The following PPP4R3B variants were observed in gnomAD, a reference collection of about 807,000 sequenced individuals.
The protein encoded by PPP4R3B is serine/threonine-protein phosphatase 4 regulatory subunit 3B.
Under a neutral mutation model 95.4 loss-of-function variants are expected in PPP4R3B, and 52 were observed. That is an observed-to-expected ratio of 0.54 (90% CI 0.44 to 0.69). The LOEUF (loss-of-function observed/expected upper bound fraction) is 0.69, where lower values mean the gene tolerates loss of function less well. PPP4R3B is among the 30% of genes least tolerant of loss of function. PPP4R3B has a pLI of 0.00. For synonymous variants in PPP4R3B, 407 were observed against 343.9 expected, an observed-to-expected ratio of 1.18 and a Z score of -2.03; for missense variants, 1,003 against 1,005.9, an observed-to-expected ratio of 1.00 and a Z score of 0.04.
At chr2:55,589,987 TATTATATATATATA>T (rs1690765342) in intron 4 of PPP4R3B, among the ~76,000 whole-genome samples, 1 of 144,480 alleles carries the variant, frequency 6.9e-6, no homozygotes, top group East Asian at 2.0e-4. Flanking sequence ...ATATTTAATA[TATTATATATATATA>T]ATATATATAT....
chr2:55,570,694 T>C (rs956880937), intron 12 of PPP4R3B, among the ~76,000 whole-genome samples: 4 of 152,212 alleles, frequency 2.6e-5, no homozygotes, highest in Non-Finnish European at 5.9e-5. Flanking sequence ...ATGAAACTCA[T>C]TAAACAAAGA....
intron 16 of PPP4R3B, 152 bp downstream of exon 16, chr2:55,558,623 T>C: frequency 3.4e-6 from 2 of 585,514 alleles, no homozygotes; most frequent in Non-Finnish European, 5.8e-6. Context: ...TAAAATAAAA[T>C]AAAATAAAAT....
intron 2 of PPP4R3B, among the ~76,000 whole-genome samples, chr2:55,608,282 G>A (rs1352646482): frequency 6.6e-6 from 1 of 152,192 alleles, no homozygotes; most frequent in Non-Finnish European, 1.5e-5. Flanking sequence ...TGGGATTACA[G>A]GTGGGAGCCA....
chr2:55,557,922 C>A (rs996580259), intron 16 of PPP4R3B, among the ~76,000 whole-genome samples: 1 of 152,106 alleles, frequency 6.6e-6, no homozygotes, highest in Non-Finnish European at 1.5e-5. Context: ...ATAAGAACAA[C>A]AGAAAGTCTA....
At chr2:55,577,825 A>G (rs1048741127) in intron 10 of PPP4R3B, among the ~76,000 whole-genome samples, 1 of 152,062 alleles carries the variant, frequency 6.6e-6, no homozygotes, top group East Asian at 1.9e-4. Flanking sequence ...TAAAAAAAAA[A>G]CTCAATTAAG....
chr2:55,581,729 G>C (rs1253278401), intron 7 of PPP4R3B, 31 bp from the exon 8 acceptor site: 2 of 1,601,620 alleles, frequency 1.2e-6, no homozygotes, highest in African/African-American at 2.7e-5. Flanking sequence ...AACAAAACAT[G>C]TTTCCATTAG....
chr2:55,598,370 C>G, intron 4 of PPP4R3B, 46 bp downstream of exon 4: 1 of 1,579,032 alleles, frequency 6.3e-7, no homozygotes, highest in Non-Finnish European at 8.6e-7. Context: ...ATTAAGGGAA[C>G]TAAATATCTG....
chr2:55,573,813 G>A lies in PPP4R3B; in HGVS notation c.1607-36C>T. 6 of 1,258,814 alleles carry A rather than the reference G, an allele frequency of 4.8e-6. No homozygotes were observed. The South Asian group carries it at 4.9e-5, about 10-fold the overall frequency. 78.0% of individuals were successfully genotyped at this position (1,258,814 alleles called of 1,614,324 possible). A position where few individuals can be genotyped will look rare whatever the true frequency, so the allele number is the denominator to read the frequency against. ...AAGTAATCTCATGAAAATAAATATTGAATATATCTAAATAAAGAATAAATA... is the reference window on the plus strand; with the variant it reads ...AAGTAATCTCATGAAAATAAATATTAAATATATCTAAATAAAGAATAAATA... On this transcript the variant is annotated intron_variant, in intron 11 of 16. Coordinates refer to ENST00000616407, the MANE Select transcript of PPP4R3B (RefSeq NM_001122964.3).
chr2:55,555,628 C>A (rs1685752207), intron 16 of PPP4R3B, among the ~76,000 whole-genome samples: 1 of 152,136 alleles, frequency 6.6e-6, no homozygotes, highest in Non-Finnish European at 1.5e-5. Context: ...ACATTCTATA[C>A]AGAAATACAC....
intron 2 of PPP4R3B, among the ~76,000 whole-genome samples, chr2:55,606,048 G>A (rs1201510715): frequency 6.6e-6 from 1 of 150,398 alleles, no homozygotes; most frequent in Non-Finnish European, 1.5e-5. Context: ...GAAATAAATA[G>A]AGCTACTCTG....
chr2:55,582,370 C>T (rs186106127), intron 7 of PPP4R3B, among the ~76,000 whole-genome samples: 48 of 152,266 alleles, frequency 3.2e-4, no homozygotes, highest in African/African-American at 1.1e-3. Flanking sequence ...TCTCCTGCCT[C>T]AGCCTCTTTA....
rs567655618 is a variant in PPP4R3B at position 55,572,334 on chromosome 2, G to C, written c.1765+1285C>G. ...TCTGGAAAACAATACTACAAATAAAGGCAAAGACAAAAGACAATGAAGATG... is the reference window on the plus strand; with the variant it reads ...TCTGGAAAACAATACTACAAATAAACGCAAAGACAAAAGACAATGAAGATG... On this transcript the variant is annotated intron_variant, in intron 12 of 16. Coordinates refer to ENST00000616407, the MANE Select transcript of PPP4R3B (RefSeq NM_001122964.3). Among the ~76,000 whole-genome samples, 5 of 152,116 alleles carry C rather than the reference G, an allele frequency of 3.3e-5. No homozygotes were observed. The South Asian group carries it at 8.3e-4, about 25-fold the overall frequency.
chr2:55,567,106 A>T (rs900389327), intron 13 of PPP4R3B, among the ~76,000 whole-genome samples: 1 of 152,194 alleles, frequency 6.6e-6, no homozygotes, highest in Non-Finnish European at 1.5e-5. Context: ...GGTGAAGTAA[A>T]TTTGTTGTAC....
At chr2:55,606,612 A>C (rs1413036626) in intron 2 of PPP4R3B, among the ~76,000 whole-genome samples, 1 of 152,030 alleles carries the variant, frequency 6.6e-6, no homozygotes, top group African/African-American at 2.4e-5. Context: ...ACCTGAGGTG[A>C]GGAGTTTGAG....
chr2:55,559,908 G>C (rs768993269), intron 15 of PPP4R3B, among the ~76,000 whole-genome samples: 1 of 152,028 alleles, frequency 6.6e-6, no homozygotes, highest in Non-Finnish European at 1.5e-5. Context: ...GATCACTTGA[G>C]GTCAGGAGTT....
Position 55,588,799 on chromosome 2 carries a change from C to T in PPP4R3B, c.999+80G>A. 5.8e-6 allele frequency: 5 copies of T among 859,930 alleles called. 1 individual carries two copies. The South Asian group carries it at 9.9e-5, about 17-fold the overall frequency. The allele number at this position is 859,930 out of a possible 1,614,324, so 53.3% of individuals were successfully genotyped here. A position where few individuals can be genotyped will look rare whatever the true frequency, so the allele number is the denominator to read the frequency against. ...CTAATCTAATTACAAAAAATTGTCT[C>T]AAGTTAGCAAATTCAAGATTAAAAG... On this transcript the variant is annotated intron_variant, in intron 5 of 16. Coordinates refer to ENST00000616407, the MANE Select transcript of PPP4R3B (RefSeq NM_001122964.3).
At chr2:55,591,095 A>T (rs1479215543) in intron 4 of PPP4R3B, among the ~76,000 whole-genome samples, 2 of 150,566 alleles carry the variant, frequency 1.3e-5, no homozygotes, top group Non-Finnish European at 2.9e-5. Flanking sequence ...CTTTTGAGGG[A>T]GTTTATATGC....
At position 55,558,945 on chromosome 2, in the gene PPP4R3B, T is replaced by A. The variant is rs752988603; in HGVS notation, c.2284A>T (p.Asn762Tyr). Residue 762 changes from asparagine (N) to tyrosine (Y), a missense_variant, in exon 16 of 17, where the codon AAC becomes TAC. This residue lies in a region of PPP4R3B where 229 missense variants were observed against 194.7 expected (regional missense o/e 1.18). Transcript: ENST00000616407. ...CCAGGAGATGTCCTTTTGGGAAGGT[T>A]TTCCTTGTCTTCACTTTCTTTTGCT... ...KKAKESEDKE[N>Y]LPKRTSPGGF... is the part of the protein sequence containing the mutation. 3.1e-6 allele frequency: 5 copies of A among 1,609,276 alleles called. No homozygotes were observed. The East Asian group carries it at 1.1e-4, about 36-fold the overall frequency.
chr2:55,589,682 G>A (rs557598755), intron 4 of PPP4R3B, among the ~76,000 whole-genome samples: 11 of 152,018 alleles, frequency 7.2e-5, no homozygotes, highest in East Asian at 3.9e-4. Context: ...TTGGAAGGCC[G>A]AGGCGGGCGG....
Sources: gnomAD v4.1 joint callset for allele counts (sites outside exome capture counted in the v4.1 genomes callset) on GRCh38, gnomAD v4.1.1 for gene constraint, gnomAD v4.1.1 regional missense constraint, MANE v1.5 for transcripts, NCBI Gene and HGNC (gene_info 2026-07-23, HGNC 2026-07-21) for gene names.